Variants in KCNK10 observed in about 807,000 individuals in gnomAD.
The protein encoded by KCNK10 is potassium two pore domain channel subfamily K member 10.
KCNK10 carries 25 observed loss-of-function variants against 47.7 expected under a neutral mutation model. That is an observed-to-expected ratio of 0.52 (90% CI 0.38 to 0.73). The LOEUF (loss-of-function observed/expected upper bound fraction) is 0.73, where lower values mean the gene tolerates loss of function less well. Ranked by LOEUF, KCNK10 falls within the 30% of genes least tolerant of loss-of-function variation. The pLI is 0.00. For synonymous variants in KCNK10, 303 were observed against 285.6 expected, an observed-to-expected ratio of 1.06 and a Z score of -0.61; for missense variants, 563 against 714.5, an observed-to-expected ratio of 0.79 and a Z score of 2.42.
chr14:88,218,613 A>G (rs999304728), intron 4 of KCNK10, among the ~76,000 whole-genome samples: 1 of 151,918 alleles, frequency 6.6e-6, no homozygotes, highest in Non-Finnish European at 1.5e-5. Context: ...AGGAAATACC[A>G]GAAAGCCTGC....
In KCNK10 at chr14:88,240,614, T is replaced by C. The variant is rs1251318195; in HGVS notation, c.520+89A>G. ...TAAGCCTCCTCTGAACCTCAAACTA[T>C]AGTGTATGCTATGAGGACAAAACAC... On this transcript the variant is annotated intron_variant, in intron 3 of 6. Coordinates refer to ENST00000319231, the MANE Select transcript of KCNK10 (RefSeq NM_138317.3). 1.7e-5 allele frequency: 14 copies of C among 812,828 alleles called. 1 individual carries two copies. In the East Asian group the frequency reaches 3.4e-4, roughly 20 times the overall value. The allele number at this position is 812,828 out of a possible 1,614,324, so 50.4% of individuals were successfully genotyped here. A position where few individuals can be genotyped will look rare whatever the true frequency, so the allele number is the denominator to read the frequency against.
chr14:88,186,422 G>A lies in KCNK10; in HGVS notation c.1012-267C>T, dbSNP rs1337622173. 6.6e-6 allele frequency among the ~76,000 whole-genome samples: 1 copy of A among 152,176 alleles called. No homozygotes were observed. The highest frequency in any genetic ancestry group is 1.5e-5 in the Non-Finnish European group (1 of 68,038). On this transcript the variant is annotated intron_variant, in intron 6 of 6. Coordinates refer to ENST00000319231, the MANE Select transcript of KCNK10 (RefSeq NM_138317.3). The surrounding 1 kb of genome is among the most constrained non-coding windows in gnomAD (Gnocchi z 5.5). ...TCAGATTTGGAGATGGTGACTTAAA[G>A]AGAGGGGGACGGCATCCTGCAGGAG...
intron 4 of KCNK10, among the ~76,000 whole-genome samples, chr14:88,205,542 C>CTTTT (rs200265659): frequency 7.0e-4 from 81 of 115,766 alleles, no homozygotes; most frequent in African/African-American, 1.1e-3. Flanking sequence ...CTTTTCTTTT[C>CTTTT]TTTTTTTTTT....
chr14:88,223,368 T>C (rs1203310552), intron 4 of KCNK10, among the ~76,000 whole-genome samples: 2 of 151,824 alleles, frequency 1.3e-5, no homozygotes, highest in African/African-American at 4.8e-5. Flanking sequence ...CTGGCATGTA[T>C]GTTACCACTG....
At chr14:88,263,041 G>A (rs1031123934) in intron 2 of KCNK10, among the ~76,000 whole-genome samples, 161 bp downstream of exon 2, 29 of 151,748 alleles carry the variant, frequency 1.9e-4, no homozygotes, top group Admixed American at 1.2e-3. Flanking sequence ...CCTCACTATC[G>A]CTTCTTGGAG....
intron 2 of KCNK10, among the ~76,000 whole-genome samples, chr14:88,250,856 A>G: frequency 6.6e-6 from 1 of 152,132 alleles, no homozygotes; most frequent in Non-Finnish European, 1.5e-5. Flanking sequence ...AACCAGACCA[A>G]AAAGAAAAGA....
chr14:88,233,019 C>T (rs867022798), intron 3 of KCNK10, among the ~76,000 whole-genome samples: 4 of 152,178 alleles, frequency 2.6e-5, no homozygotes, highest in Middle Eastern at 6.3e-3. Flanking sequence ...CAGGCTCAGT[C>T]ACTAGCTGTG....
chr14:88,312,835 G>T (rs1454614796), intron 1 of KCNK10, among the ~76,000 whole-genome samples: 1 of 152,136 alleles, frequency 6.6e-6, no homozygotes, highest in Non-Finnish European at 1.5e-5. Context: ...TAGGTATGCT[G>T]GGATCTATTA....
At chr14:88,199,444 T>C (rs1885029515) in intron 4 of KCNK10, among the ~76,000 whole-genome samples, 1 of 152,154 alleles carries the variant, frequency 6.6e-6, no homozygotes, top group South Asian at 2.1e-4. Context: ...GAAGAGTGGA[T>C]TGGGACAGCC....
intron 4 of KCNK10, among the ~76,000 whole-genome samples, chr14:88,218,466 A>T (rs1037148126): frequency 7.9e-5 from 12 of 152,144 alleles, no homozygotes; most frequent in Non-Finnish European, 1.5e-4. Flanking sequence ...AGTCTAGGGT[A>T]ATGTTTTATT....
At chr14:88,294,506 C>A (rs552725488) in intron 1 of KCNK10, among the ~76,000 whole-genome samples, 1 of 152,236 alleles carries the variant, frequency 6.6e-6, no homozygotes, top group Non-Finnish European at 1.5e-5. Flanking sequence ...ATCAACAATT[C>A]TCTTTTGGGC....
intron 4 of KCNK10, among the ~76,000 whole-genome samples, chr14:88,209,423 G>A (rs902577930): frequency 1.3e-5 from 2 of 152,222 alleles, no homozygotes; most frequent in African/African-American, 2.4e-5. Context: ...TGTGGCCGAC[G>A]ACGAAGAAGA....
At chr14:88,310,418 A>C (rs1279548493) in intron 1 of KCNK10, among the ~76,000 whole-genome samples, 3 of 151,880 alleles carry the variant, frequency 2.0e-5, no homozygotes, top group Non-Finnish European at 4.4e-5. Flanking sequence ...AACCAGATGG[A>C]TGAGTGACAA....
At chr14:88,255,379 C>T (rs1182560894) in intron 2 of KCNK10, among the ~76,000 whole-genome samples, 1 of 152,050 alleles carries the variant, frequency 6.6e-6, no homozygotes, top group Non-Finnish European at 1.5e-5. Context: ...ATTTCCTCAT[C>T]CATAAAATGA....
At chr14:88,267,035 C>G (rs1391549271) in intron 1 of KCNK10, among the ~76,000 whole-genome samples, 1 of 152,196 alleles carries the variant, frequency 6.6e-6, no homozygotes, top group Non-Finnish European at 1.5e-5. Flanking sequence ...GAGCAAAAAC[C>G]AGAGTTTCAG....
At chr14:88,211,918 G>T (rs934188271) in intron 4 of KCNK10, among the ~76,000 whole-genome samples, 12 of 148,554 alleles carry the variant, frequency 8.1e-5, no homozygotes, top group Non-Finnish European at 1.2e-4. Context: ...AAAAATCTTT[G>T]TAACAATGAC....
At chr14:88,225,499 G>A (rs1885954865) in intron 4 of KCNK10, among the ~76,000 whole-genome samples, 1 of 152,190 alleles carries the variant, frequency 6.6e-6, no homozygotes, top group African/African-American at 2.4e-5. Context: ...TACTCTATTT[G>A]TAGTCGGAAA....
At chr14:88,276,543 C>A (rs1887531976) in intron 1 of KCNK10, among the ~76,000 whole-genome samples, 1 of 152,334 alleles carries the variant, frequency 6.6e-6, no homozygotes, top group South Asian at 2.1e-4. Context: ...CCTGCCTCTA[C>A]TTTCTCCTGT....
chr14:88,291,479 C>T (rs1887875400), intron 1 of KCNK10, among the ~76,000 whole-genome samples: 1 of 152,160 alleles, frequency 6.6e-6, no homozygotes, highest in African/African-American at 2.4e-5. Context: ...CAGAAAAGAA[C>T]ACATAGCATT....
Sources: gnomAD v4.1 joint callset for allele counts (sites outside exome capture counted in the v4.1 genomes callset) on GRCh38, gnomAD v4.1.1 for gene constraint, Gnocchi (gnomAD v3.1) non-coding constraint, MANE v1.5 for transcripts, NCBI Gene and HGNC (gene_info 2026-07-23, HGNC 2026-07-21) for gene names.